The following MYCBP2 variants were observed in gnomAD, a reference collection of about 807,000 sequenced individuals.
MYCBP2 encodes MYC binding protein 2.
A neutral mutation model predicts 525.3 loss-of-function variants in MYCBP2; 120 were observed. The ratio of observed to expected loss-of-function variants is 0.23; its 90% CI spans 0.20 to 0.27. The LOEUF is 0.27. Among genes scored for constraint, MYCBP2 ranks in the 10% least tolerant of loss-of-function variants. The probability of loss-of-function intolerance (pLI) is 1.00; values close to 1 mark genes in which losing one functional copy is unlikely to be tolerated. For synonymous variants in MYCBP2, 1,894 were observed against 1,955.8 expected (o/e 0.97, Z 0.83); for missense variants, 4,149 against 5,657.1 (o/e 0.73, Z 8.55).
chr13:77,276,339 C>A, intron 4 of MYCBP2, among the ~76,000 whole-genome samples: 1 of 149,678 alleles, frequency 6.7e-6, no homozygotes, highest in Admixed American at 6.6e-5. Context: ...CGAAAACAAC[C>A]GAATGGGAAA....
intron 55 of MYCBP2, among the ~76,000 whole-genome samples, chr13:77,102,185 A>C (rs1043950485): frequency 2.0e-5 from 3 of 151,830 alleles, no homozygotes; most frequent in Non-Finnish European, 4.4e-5. Flanking sequence ...TCATAATACT[A>C]TATGCATATA....
intron 18 of MYCBP2, among the ~76,000 whole-genome samples, chr13:77,229,851 A>C (rs2066887315): frequency 6.6e-6 from 1 of 152,150 alleles, no homozygotes; most frequent in African/African-American, 2.4e-5. Flanking sequence ...GTAAGAGTAA[A>C]ATAGACTCAG....
chr13:77,263,520 A>T (rs1156952195), intron 10 of MYCBP2, 131 bp downstream of exon 10: 3 of 651,548 alleles, frequency 4.6e-6, no homozygotes, highest in Non-Finnish European at 7.5e-6. Flanking sequence ...ATTATCCTTT[A>T]TATTAATAGT....
chr13:77,048,684 A>G (rs2036109170), intron 82 of MYCBP2, among the ~76,000 whole-genome samples: 1 of 152,130 alleles, frequency 6.6e-6, no homozygotes, highest in African/African-American at 2.4e-5. Context: ...ATCTACTCGC[A>G]GATTGTAAAA....
chr13:77,068,232 G>A (rs1396312082), intron 70 of MYCBP2, among the ~76,000 whole-genome samples: 1 of 152,080 alleles, frequency 6.6e-6, no homozygotes, highest in Admixed American at 6.5e-5. Context: ...GGTAATAGTA[G>A]TGGTAATTAC....
chr13:77,212,867 T>G (rs2064215259), intron 21 of MYCBP2, among the ~76,000 whole-genome samples: 1 of 152,160 alleles, frequency 6.6e-6, no homozygotes, highest in South Asian at 2.1e-4. Flanking sequence ...AATAAAAGAA[T>G]GCTGACATTG....
At chr13:77,111,023 C>CA (rs1363161611) in intron 55 of MYCBP2, among the ~76,000 whole-genome samples, 1 of 151,978 alleles carries the variant, frequency 6.6e-6, no homozygotes, top group African/African-American at 2.4e-5. Flanking sequence ...AGTCTGATTA[C>CA]AAAAAATGAA....
intron 4 of MYCBP2, among the ~76,000 whole-genome samples, 181 bp from the exon 5 acceptor site, chr13:77,273,849 G>C (rs866646214): frequency 6.6e-6 from 1 of 151,728 alleles, no homozygotes; most frequent in East Asian, 1.9e-4. Context: ...ATGTAACAAG[G>C]GTCTTAAAGA....
chr13:77,241,535 C>T (rs2068823588), intron 17 of MYCBP2, among the ~76,000 whole-genome samples: 1 of 152,004 alleles, frequency 6.6e-6, no homozygotes, highest in African/African-American at 2.4e-5. Flanking sequence ...TATTAATTAC[C>T]ACATCAGAAA....
At chr13:77,125,534 G>A (rs2051501138) in intron 53 of MYCBP2, 66 bp from the exon 54 acceptor site, 1 of 1,573,514 alleles carries the variant, frequency 6.4e-7, no homozygotes, top group African/African-American at 1.4e-5. Context: ...CTGAAAACCA[G>A]TAAAAATCTT....
intron 29 of MYCBP2, among the ~76,000 whole-genome samples, 167 bp downstream of exon 29, chr13:77,190,085 C>T (rs2154257476): frequency 6.6e-6 from 1 of 152,138 alleles, no homozygotes; most frequent in African/African-American, 2.4e-5. Flanking sequence ...TAAAAATATA[C>T]AAAATATTAA....
chr13:77,277,133 G>A (rs1283875421), intron 4 of MYCBP2, among the ~76,000 whole-genome samples: 1 of 152,110 alleles, frequency 6.6e-6, no homozygotes, highest in East Asian at 1.9e-4. Context: ...AGACTTAGGA[G>A]GAAAGAAATA....
rs191302334 is a variant in MYCBP2, at chr13:77,103,140, G to A, written c.8141-4127C>T. 2.9e-4 allele frequency: 113 copies of A among 396,196 alleles called. No homozygotes were observed. The East Asian group carries it at 2.9e-3, about 10-fold the overall frequency. 24.5% of individuals were successfully genotyped at this position (396,196 alleles called of 1,614,324 possible). A position where few individuals can be genotyped will look rare whatever the true frequency, so the allele number is the denominator to read the frequency against. On this transcript the variant is annotated intron_variant, in intron 55 of 82. Coordinates refer to ENST00000544440, the MANE Select transcript of MYCBP2 (RefSeq NM_015057.5). ...TGGCATGAACATGACTGAGACGAAC[G>A]GAAACATCTTTAATGACACTCCTTA...
At position 77,177,973 on chromosome 13, in the gene MYCBP2, A is replaced by G. The variant is rs2059865149; in HGVS notation, c.5134-19T>C. ...CATCAACCTGTGAACAATAAAAGCA[A>G]TTGTATCAGTAGTTGGTATACCTTT... On this transcript the variant is annotated intron_variant, in intron 34 of 82. Transcript: ENST00000544440. The G allele has an allele frequency of 3.4e-6, 5 of 1,464,420 alleles. No individual in the cohort carries two copies. Among genetic ancestry groups the G allele is most frequent in the Non-Finnish European group, 4.8e-6 (5 of 1,043,230 alleles). 90.7% of individuals were successfully genotyped at this position (1,464,420 alleles called of 1,614,324 possible). A position where few individuals can be genotyped will look rare whatever the true frequency, so the allele number is the denominator to read the frequency against.
chr13:77,308,234 A>G (rs1322769924), intron 1 of MYCBP2, among the ~76,000 whole-genome samples: 1 of 152,212 alleles, frequency 6.6e-6, no homozygotes, highest in Non-Finnish European at 1.5e-5. Context: ...TAAAATAGAG[A>G]CACCATTACA....
At chr13:77,158,793 T>C (rs1015383025) in intron 44 of MYCBP2, among the ~76,000 whole-genome samples, 1 of 152,108 alleles carries the variant, frequency 6.6e-6, no homozygotes, top group African/African-American at 2.4e-5. Flanking sequence ...ATGAGTAAGG[T>C]GTGTCTGTTC....
rs760729183 is a variant in MYCBP2, at chr13:77,058,397, T to C, written c.13150A>G (p.Lys4384Glu). 6.2e-7 allele frequency: 1 copy of C among 1,605,036 alleles called. No homozygotes were observed. The highest frequency in any genetic ancestry group is 1.1e-5 in the South Asian group (1 of 90,014). Residue 4384 changes from lysine to glutamate, a missense_variant, in exon 78 of 83, where the codon AAG (lysine) becomes GAG (glutamate). This residue lies in a region of MYCBP2 where 220 missense variants were observed against 396.0 expected (regional missense o/e 0.56). Coordinates refer to ENST00000544440, the MANE Select transcript of MYCBP2 (RefSeq NM_015057.5). This position sits in a 1 kb window ranked among gnomAD's most constrained non-coding sequence, Gnocchi z 4.1. ...CSDADCQEYA[K>E]IACSKTHPCG... ...GGATGCGTCTTACTACAGGCTATCT[T>C]AGCGTATTCCTGTTAAAGATGAATT... is the stretch of plus-strand genomic sequence containing the variant.
intron 1 of MYCBP2, among the ~76,000 whole-genome samples, chr13:77,310,277 T>G (rs1327329587): frequency 1.3e-5 from 2 of 152,188 alleles, no homozygotes; most frequent in African/African-American, 4.8e-5. Context: ...TACATTGTAG[T>G]TATTTCCAAC....
rs551714758 is a variant in MYCBP2 at position 77,191,568 on chromosome 13, C to T, written c.4070+111G>A. On this transcript the variant is annotated intron_variant, in intron 28 of 82. Transcript: ENST00000544440. ...TTTAATTTTTAGCAGTTATATTATG[C>T]TCTAGTCTTCCTAAGCTTTTGAATC... is the stretch of plus-strand genomic sequence containing the variant. 92 of 1,266,746 alleles carry T rather than the reference C, an allele frequency of 7.3e-5. 1 individual carries two copies. In the South Asian group the frequency reaches 1.2e-3, roughly 17 times the overall value. The allele number at this position is 1,266,746 out of a possible 1,614,324, so 78.5% of individuals were successfully genotyped here.
Sources: allele counts gnomAD v4.1 joint callset (sites outside exome capture counted in the v4.1 genomes callset), GRCh38; gene constraint gnomAD v4.1.1; regional missense constraint gnomAD v4.1.1; non-coding constraint Gnocchi (gnomAD v3.1); transcripts MANE v1.5; gene names NCBI Gene and HGNC (gene_info 2026-07-23, HGNC 2026-07-21).